Variants in SPTBN5 observed in about 807,000 individuals in gnomAD.
SPTBN5 encodes the protein spectrin beta chain, non-erythrocytic 5.
In SPTBN5, 513 loss-of-function variants were observed where a neutral mutation model predicts 477.6. The observed-to-expected ratio is 1.07, with a 90% CI of 1.00 to 1.16. The LOEUF (loss-of-function observed/expected upper bound fraction) is 1.16, where lower values mean the gene tolerates loss of function less well. Among genes scored for constraint, SPTBN5 ranks in the 50% most tolerant of loss-of-function variants. The pLI is 0.00. For missense variants in SPTBN5, 5,062 were observed against 4,731.8 expected (o/e 1.07, Z -2.05); for synonymous variants, 2,169 against 2,011.7 (o/e 1.08, Z -2.09).
At chr15:41,871,332 CT>C in intron 29 of SPTBN5, 42 bp downstream of exon 29, 1 of 1,375,662 alleles carries the variant, frequency 7.3e-7, no homozygotes, top group South Asian at 1.9e-5. Context: ...TGCCCAGCTC[CT>C]TCCCCCAAAC....
In SPTBN5 at chr15:41,877,120, A is replaced by G. The variant is rs61746215; in HGVS notation, c.3707T>C (p.Leu1236Pro). ...CTCCACATTCCTGCTCCATACCCCA[A>G]GGTTGTCCAGGTGCAGCCAGGCCTG... ...NHQAWLHLDN[L>P]GEDVREALSL... Residue 1236 changes from leucine (L) to proline (P), a missense_variant, in exon 18 of 68, where the codon CTT (leucine) becomes CCT (proline). Physicochemically the swap from Leu to Pro is moderately conservative, Grantham distance 98 (BLOSUM62 -3). Coordinates refer to ENST00000320955, the MANE Select transcript of SPTBN5 (RefSeq NM_016642.4). 0.02 allele frequency: 31,816 copies of G among 1,613,804 alleles called. 584 individuals carry two copies. Among genetic ancestry groups the G allele is most frequent in the South Asian group, 0.081 (7,413 of 91,022 alleles).
Position 41,879,758 on chromosome 15 carries a change from C to G in SPTBN5, c.2918G>C (p.Arg973Pro). 1 of 1,613,952 alleles carries G rather than the reference C, an allele frequency of 6.2e-7. No individual in the cohort carries two copies. The highest frequency in any genetic ancestry group is 1.3e-5 in the African/African-American group (1 of 75,050). ...CCTCTGGCTCAGTTCCTCCTGCTGT[C>G]GTTGGATTTGTGTGGAGTTCCCAGG... ...RYPGNSTQIQ[R>P]QQEELSQRWG... Residue 973 changes from arginine (R) to proline (P), a missense_variant, in exon 15 of 68, where the codon CGA becomes CCA. By Grantham distance (103) the Arg-to-Pro change is moderately radical. Coordinates refer to ENST00000320955, the MANE Select transcript of SPTBN5 (RefSeq NM_016642.4).
intron 45 of SPTBN5, 54 bp from the exon 46 acceptor site, chr15:41,861,550 G>A (rs1351766185): frequency 1.5e-5 from 23 of 1,573,210 alleles, no homozygotes; most frequent in Non-Finnish European, 1.3e-5. Context: ...AGCCACTGCA[G>A]TTGGAGTGAC....
At chr15:41,855,142 T>TC in intron 55 of SPTBN5, 82 bp downstream of exon 55, 1 of 1,496,330 alleles carries the variant, frequency 6.7e-7, no homozygotes, top group Non-Finnish European at 9.0e-7. Context: ...TTCTGCTGAC[T>TC]CCCCAGCAAC....
chr15:41,850,811 A>G (rs1320968646), intron 66 of SPTBN5, 43 bp downstream of exon 66: 1 of 1,519,650 alleles, frequency 6.6e-7, no homozygotes, highest in Non-Finnish European at 8.9e-7. Context: ...CTTGGGGCCC[A>G]GGGAGTCGGC....
chr15:41,876,833 T>C lies in SPTBN5; in HGVS notation c.3827A>G (p.Gln1276Arg). ...CGTGTGTGCAGCTGGGTGCTGGCTC[T>C]GAACCAGCTTCTCGCCGTGTGCCCG... Reference protein sequence around the residue: ...ALRAHGEKLVQSQHPAAHTVR... With the variant: ...ALRAHGEKLVRSQHPAAHTVR... The change falls in exon 19 of 68, where the codon CAG becomes CGG. Residue 1276 changes from glutamine to arginine, a missense_variant. Gln to Arg is a conservative substitution (Grantham distance 43). Coordinates refer to ENST00000320955, the MANE Select transcript of SPTBN5 (RefSeq NM_016642.4). The C allele has an allele frequency of 6.2e-7, 1 of 1,609,364 alleles. No individual in the cohort carries two copies. The highest frequency in any genetic ancestry group is 8.5e-7 in the Non-Finnish European group (1 of 1,179,536).
intron 45 of SPTBN5, 53 bp downstream of exon 45, chr15:41,861,682 G>T: frequency 6.6e-7 from 1 of 1,513,096 alleles, no homozygotes; most frequent in South Asian, 1.3e-5. Flanking sequence ...TGGGGTCAGC[G>T]CAGGCCCTGT....
chr15:41,853,687 A>C lies in SPTBN5; in HGVS notation c.9875T>G (p.Val3292Gly), dbSNP rs2065847783. Residue 3292 changes from valine to glycine, a missense_variant, in exon 58 of 68, where the codon GTG (valine) becomes GGG (glycine). Transcript: ENST00000320955. ...HPAAPGGLAK[V>G]QEAWATLQAK... is the part of the protein sequence containing the mutation. ...CTGCAGGGTGGCCCAGGCCTCCTGC[A>C]CCTTGGCCAGGCCCCCCGGAGCTGC... 1.2e-6 allele frequency: 2 copies of C among 1,602,652 alleles called. No individual in the cohort carries two copies. The highest frequency in any genetic ancestry group is 1.7e-5 in the Admixed American group (1 of 59,282).
In SPTBN5 at chr15:41,886,078, G is replaced by A; in HGVS notation, c.1177C>T (p.Leu393Phe). ...RPFLPHEGLG[L>F]AELSQCWAGL... ...GCCCAGCACTGGGACAGCTCTGCAA[G>A]GCCCAGGCCCTCATGAGGCAGGAAG... The change falls in exon 7 of 68, where the codon CTT (leucine) becomes TTT (phenylalanine). Residue 393 changes from leucine to phenylalanine, a missense_variant. Transcript: ENST00000320955. 1 of 1,601,348 alleles carries A rather than the reference G, an allele frequency of 6.2e-7. No homozygotes were observed. Among genetic ancestry groups the A allele is most frequent in the Non-Finnish European group, 8.5e-7 (1 of 1,173,190 alleles).
chr15:41,851,577 C>T (rs1449979429), intron 63 of SPTBN5, among the ~76,000 whole-genome samples: 3 of 35,726 alleles, frequency 8.4e-5, no homozygotes, highest in Non-Finnish European at 1.6e-4. Flanking sequence ...ATCCCAGCAC[C>T]TCCTGGTGGG....
intron 43 of SPTBN5, 108 bp from the exon 44 acceptor site, chr15:41,862,400 G>C: frequency 6.6e-7 from 1 of 1,520,792 alleles, no homozygotes; most frequent in Non-Finnish European, 8.8e-7. Context: ...GGGCCCATGG[G>C]CTGGGAGTTA....
At position 41,867,521 on chromosome 15, in the gene SPTBN5, C is replaced by T; in HGVS notation, c.6312+17G>A. 1 of 1,611,062 alleles carries T rather than the reference C, an allele frequency of 6.2e-7. No individual in the cohort carries two copies. The highest frequency in any genetic ancestry group is 8.5e-7 in the Non-Finnish European group (1 of 1,177,446). On this transcript the variant is annotated intron_variant, in intron 35 of 67. Transcript: ENST00000320955. ...CCACCACACTCTGACCACGCCCAGG[C>T]CTCCTGACTCCATTACCTTCTTGTC... is the stretch of plus-strand genomic sequence containing the variant.
At chr15:41,853,527 G>T (rs568310189) in intron 58 of SPTBN5, 55 bp downstream of exon 58, 3 of 1,540,942 alleles carry the variant, frequency 1.9e-6, no homozygotes, top group Non-Finnish European at 2.6e-6. Context: ...CAAGAGCCAG[G>T]ATACCCCCAC....
chr15:41,860,431 CA>C (rs749318909), intron 47 of SPTBN5, among the ~76,000 whole-genome samples, 154 bp downstream of exon 47: 3 of 152,242 alleles, frequency 2.0e-5, no homozygotes, highest in Admixed American at 1.3e-4. Flanking sequence ...ATTGCAGGGC[CA>C]GGGGTGGTGG....
intron 2 of SPTBN5, 38 bp downstream of exon 2, chr15:41,893,244 G>A: frequency 2.5e-6 from 4 of 1,612,770 alleles, no homozygotes; most frequent in Non-Finnish European, 3.4e-6. Context: ...TGGGGGCCTG[G>A]TATGGGTGGG....
In SPTBN5 at chr15:41,865,805, T is replaced by C. The variant is rs1240331390; in HGVS notation, c.6918+3A>G. The C allele has an allele frequency of 1.9e-6, 3 of 1,556,062 alleles. No individual in the cohort carries two copies. The highest frequency in any genetic ancestry group is 8.7e-7 in the Non-Finnish European group (1 of 1,150,340). On this transcript the variant is annotated splice_donor_region_variant and intron_variant, in intron 39 of 67. Transcript: ENST00000320955. ...CAACCTCTACCCAGCAAGGCCCTCTTACCCCGGCCGAGTTTCCTCGGAACT... is the reference window on the plus strand; with the variant it reads ...CAACCTCTACCCAGCAAGGCCCTCTCACCCCGGCCGAGTTTCCTCGGAACT...
intron 36 of SPTBN5, 25 bp from the exon 37 acceptor site, chr15:41,866,518 T>C (rs1327568692): frequency 1.3e-6 from 2 of 1,512,142 alleles, no homozygotes. Flanking sequence ...ACATGAATGC[T>C]GCAATGTTCT....
chr15:41,866,594 G>T (rs1374476258), intron 36 of SPTBN5, 101 bp from the exon 37 acceptor site: 3 of 1,334,452 alleles, frequency 2.2e-6, no homozygotes, highest in African/African-American at 1.5e-5. Context: ...GGCCTCAGGG[G>T]TGGGGCGGGC....
chr15:41,887,155 G>T, intron 6 of SPTBN5, 58 bp downstream of exon 6: 1 of 1,486,868 alleles, frequency 6.7e-7, no homozygotes, highest in Non-Finnish European at 9.2e-7. Context: ...CAGGCTTCAC[G>T]CTTAGGCCTG....
Sources: gnomAD v4.1 joint callset for allele counts (sites outside exome capture counted in the v4.1 genomes callset) on GRCh38, gnomAD v4.1.1 for gene constraint, MANE v1.5 for transcripts, NCBI Gene and HGNC (gene_info 2026-07-23, HGNC 2026-07-21) for gene names.